Variants in STK32B observed in about 807,000 individuals in gnomAD.
STK32B encodes serine/threonine-protein kinase 32B.
Under a neutral mutation model 52.6 loss-of-function variants are expected in STK32B, and 43 were observed. The ratio of observed to expected loss-of-function variants is 0.82; its 90% CI spans 0.64 to 1.05. The LOEUF (loss-of-function observed/expected upper bound fraction) is 1.05, where lower values mean the gene tolerates loss of function less well. STK32B is among the 50% of genes least tolerant of loss of function. The pLI is 0.00. For missense variants in STK32B, 621 were observed against 534.6 expected, an observed-to-expected ratio of 1.16 and a Z score of -1.59; for synonymous variants, 238 against 204.3, an observed-to-expected ratio of 1.17 and a Z score of -1.41.
chr4:5,371,253 G>A (rs1347882193), intron 4 of STK32B, among the ~76,000 whole-genome samples: 1 of 152,058 alleles, frequency 6.6e-6, no homozygotes, highest in East Asian at 1.9e-4. Flanking sequence ...TCAAGGTAGG[G>A]AGCTTCTTGA....
intron 3 of STK32B, among the ~76,000 whole-genome samples, chr4:5,238,220 G>A (rs146538420): frequency 6.6e-6 from 1 of 152,240 alleles, no homozygotes; most frequent in Non-Finnish European, 1.5e-5. Flanking sequence ...GCAGAGCTGT[G>A]CTTTCTCTGA....
chr4:5,240,839 CCTCTGCCATT>C (rs1724973743), intron 3 of STK32B, among the ~76,000 whole-genome samples: 1 of 152,142 alleles, frequency 6.6e-6, no homozygotes, highest in Non-Finnish European at 1.5e-5. Context: ...GCAAATTCTA[CCTCTGCCATT>C]TGTCTTATTT....
At chr4:5,045,543 G>A in the STK32B span, among the ~76,000 whole-genome samples, 1 of 152,192 alleles carries the variant, frequency 6.6e-6, no homozygotes, top group African/African-American at 2.4e-5. Flanking sequence ...TCCTATCCAT[G>A]ATGATGGAAG....
chr4:5,030,917 GGAGA>G, the STK32B span, among the ~76,000 whole-genome samples: 51 of 151,836 alleles, frequency 3.4e-4, no homozygotes, highest in African/African-American at 1.1e-3. Flanking sequence ...ACATATACAT[GGAGA>G]GAGAGAGAGA....
chr4:5,192,468 A>G (rs1721287233), intron 3 of STK32B, among the ~76,000 whole-genome samples: 1 of 152,224 alleles, frequency 6.6e-6, no homozygotes, highest in Admixed American at 6.5e-5. Context: ...ATTTACACAC[A>G]CACGCTACAG....
intron 4 of STK32B, among the ~76,000 whole-genome samples, chr4:5,397,628 G>T (rs10050195): frequency 1.3e-5 from 2 of 152,190 alleles, no homozygotes; most frequent in African/African-American, 2.4e-5. Flanking sequence ...TCTCTGTTGC[G>T]TGCTCCTCTG....
intron 3 of STK32B, among the ~76,000 whole-genome samples, chr4:5,238,096 A>G: frequency 6.6e-6 from 1 of 152,120 alleles, no homozygotes; most frequent in East Asian, 1.9e-4. Flanking sequence ...AAAAAGTTGT[A>G]TTTGTTTCCT....
intron 1 of STK32B, 140 bp from the exon 2 acceptor site, chr4:5,139,765 G>T: frequency 1.2e-6 from 1 of 832,510 alleles, no homozygotes; most frequent in Non-Finnish European, 2.0e-6. Context: ...GGATAAGGGT[G>T]GACGGCTGCT....
At chr4:5,320,300 C>T (rs1027645183) in intron 3 of STK32B, among the ~76,000 whole-genome samples, 3 of 152,142 alleles carry the variant, frequency 2.0e-5, no homozygotes, top group East Asian at 3.9e-4. Context: ...GGCATATTCA[C>T]CCTGCAGAAC....
intron 3 of STK32B, among the ~76,000 whole-genome samples, chr4:5,321,093 G>C (rs564738033): frequency 1.3e-4 from 20 of 152,136 alleles, no homozygotes; most frequent in Non-Finnish European, 2.6e-4. Flanking sequence ...GATTTCAGAG[G>C]GAGGGGGTTG....
chr4:5,133,615 C>G (rs1715901304), intron 1 of STK32B, among the ~76,000 whole-genome samples: 1 of 152,196 alleles, frequency 6.6e-6, no homozygotes, highest in Non-Finnish European at 1.5e-5. Context: ...TAAGGAGAGA[C>G]AAACTCAGAA....
At chr4:5,092,306 C>T (rs1342665401) in intron 1 of STK32B, among the ~76,000 whole-genome samples, 6 of 152,104 alleles carry the variant, frequency 3.9e-5, no homozygotes, top group Non-Finnish European at 8.8e-5. Flanking sequence ...CCGAGGCGGG[C>T]AGATCACCTG....
intron 3 of STK32B, among the ~76,000 whole-genome samples, chr4:5,179,301 T>G (rs1306609986): frequency 6.6e-6 from 1 of 152,288 alleles, no homozygotes; most frequent in East Asian, 1.9e-4. Context: ...TACATCCCAC[T>G]GGGTTCCTCC....
intron 2 of STK32B, among the ~76,000 whole-genome samples, chr4:5,142,883 C>T (rs1351439439): frequency 2.0e-5 from 3 of 152,216 alleles, no homozygotes; most frequent in Admixed American, 6.5e-5. Flanking sequence ...TGTGGATGGG[C>T]CTCATCCAAC....
intron 1 of STK32B, among the ~76,000 whole-genome samples, chr4:5,099,455 C>CGTGCGCGCGCACGCGCGTGCGCGCGCAT (rs1560150375): frequency 5.5e-5 from 2 of 36,596 alleles, no homozygotes; most frequent in African/African-American, 3.4e-4. Context: ...TGTGTGCGCG[C>CGTGCGCGCGCACGCGCGTGCGCGCGCAT]GCGCGTATGT....
At chr4:5,250,648 C>T (rs1353844679) in intron 3 of STK32B, among the ~76,000 whole-genome samples, 1 of 152,144 alleles carries the variant, frequency 6.6e-6, no homozygotes, top group Admixed American at 6.5e-5. Context: ...AAACTACTTT[C>T]CACAGTGACT....
intron 3 of STK32B, among the ~76,000 whole-genome samples, chr4:5,295,141 A>C (rs764298269): frequency 6.6e-6 from 1 of 152,128 alleles, no homozygotes; most frequent in African/African-American, 2.4e-5. Context: ...ATTGTGGTGG[A>C]TAAGCTTTTT....
intron 3 of STK32B, among the ~76,000 whole-genome samples, chr4:5,285,674 C>G (rs1162132771): frequency 6.6e-6 from 1 of 152,080 alleles, no homozygotes; most frequent in African/African-American, 2.4e-5. Context: ...GGGAAAGGAA[C>G]AAATCTAATA....
chr4:5,134,289 A>G (rs1055269704), intron 1 of STK32B, among the ~76,000 whole-genome samples: 25 of 152,204 alleles, frequency 1.6e-4, no homozygotes, highest in African/African-American at 5.8e-4. Flanking sequence ...GCCTAATAAA[A>G]GGTGATTAGG....
Sources: gnomAD v4.1 joint callset for allele counts (sites outside exome capture counted in the v4.1 genomes callset) on GRCh38, gnomAD v4.1.1 for gene constraint, MANE v1.5 for transcripts, NCBI Gene and HGNC (gene_info 2026-07-23, HGNC 2026-07-21) for gene names.